Variants in TMPRSS15 observed in about 807,000 individuals in gnomAD.
TMPRSS15 encodes transmembrane serine protease 15.
In TMPRSS15, 128 loss-of-function variants were observed where a neutral mutation model predicts 125.3. That is an observed-to-expected ratio of 1.02 (90% CI 0.89 to 1.18). The LOEUF is 1.18. Ranked by LOEUF, TMPRSS15 falls within the 50% of genes most tolerant of loss-of-function variation. TMPRSS15 has a pLI of 0.00. For synonymous variants in TMPRSS15, 446 were observed against 423.2 expected, an observed-to-expected ratio of 1.05 and a Z score of -0.66; for missense variants, 1,283 against 1,212.7, an observed-to-expected ratio of 1.06 and a Z score of -0.86.
chr21:18,436,739 T>G (rs2076228698), intron 1 of TMPRSS15, among the ~76,000 whole-genome samples: 1 of 147,886 alleles, frequency 6.8e-6, no homozygotes, highest in Non-Finnish European at 1.5e-5. Context: ...ACAAGGGACG[T>G]GAAGGACCTC....
chr21:18,361,620 G>A (rs922286560), intron 7 of TMPRSS15, among the ~76,000 whole-genome samples: 1 of 152,148 alleles, frequency 6.6e-6, no homozygotes, highest in Non-Finnish European at 1.5e-5. Context: ...CACAGAGTTA[G>A]TTAATTTTTG....
intron 1 of TMPRSS15, among the ~76,000 whole-genome samples, chr21:18,423,651 C>T (rs1477634545): frequency 5.9e-5 from 9 of 151,556 alleles, no homozygotes; most frequent in African/African-American, 1.7e-4. Context: ...CTCCTGACCT[C>T]GTGATCCGCC....
chr21:18,454,303 A>G (rs985955627), intron 1 of TMPRSS15, among the ~76,000 whole-genome samples: 1 of 152,146 alleles, frequency 6.6e-6, no homozygotes, highest in Admixed American at 6.6e-5. Flanking sequence ...GTTTCCTTCC[A>G]TAAGGATTCC....
chr21:18,307,695 T>C (rs1005902274), intron 18 of TMPRSS15, among the ~76,000 whole-genome samples: 1 of 152,098 alleles, frequency 6.6e-6, no homozygotes, highest in African/African-American at 2.4e-5. Flanking sequence ...ACTGTTAAAA[T>C]GTAATAAAGA....
At chr21:18,456,141 A>G (rs1051586402) in intron 1 of TMPRSS15, among the ~76,000 whole-genome samples, 1 of 152,172 alleles carries the variant, frequency 6.6e-6, no homozygotes, top group African/African-American at 2.4e-5. Flanking sequence ...AACAGATAAT[A>G]CAGAATTATT....
At chr21:18,443,885 G>A (rs1290493541) in intron 1 of TMPRSS15, among the ~76,000 whole-genome samples, 3 of 152,186 alleles carry the variant, frequency 2.0e-5, no homozygotes, top group Admixed American at 6.5e-5. Context: ...GCAGCTTCCT[G>A]TTGTGGCGGG....
chr21:18,302,537 T>C (rs1398354883), intron 18 of TMPRSS15, among the ~76,000 whole-genome samples: 2 of 152,244 alleles, frequency 1.3e-5, no homozygotes, highest in African/African-American at 2.4e-5. Context: ...GTAAGTTTAA[T>C]TAATTTTAGA....
chr21:18,283,789 G>A (rs1458611638), intron 21 of TMPRSS15, among the ~76,000 whole-genome samples: 2 of 152,058 alleles, frequency 1.3e-5, no homozygotes, highest in Non-Finnish European at 2.9e-5. Context: ...AGGTATTTCA[G>A]AGAAAGAGCA....
Position 18,269,879 on chromosome 21 carries a change from T to G in TMPRSS15, c.*90A>C. The G allele has an allele frequency of 6.5e-7, 1 of 1,528,008 alleles. No individual in the cohort carries two copies. Among genetic ancestry groups the G allele is most frequent in the Non-Finnish European group, 8.9e-7 (1 of 1,123,868 alleles). 94.7% of individuals were successfully genotyped at this position (1,528,008 alleles called of 1,614,324 possible). On this transcript the variant is annotated 3_prime_UTR_variant, in exon 25 of 25. Transcript: ENST00000284885. ...AGAATAAAAACCTTTGGTAACTTTT[T>G]AAAATTTTTGTACGAAACACTTAAT...
chr21:18,375,978 G>C (rs1388439218), intron 5 of TMPRSS15, among the ~76,000 whole-genome samples: 1 of 152,160 alleles, frequency 6.6e-6, no homozygotes, highest in African/African-American at 2.4e-5. Context: ...GGAAATCATA[G>C]ATTTTTATTG....
intron 16 of TMPRSS15, among the ~76,000 whole-genome samples, chr21:18,321,041 G>T (rs1307270006): frequency 6.6e-6 from 1 of 152,068 alleles, no homozygotes; most frequent in Non-Finnish European, 1.5e-5. Flanking sequence ...ATCTGGGGAG[G>T]GCTCAAACCC....
Position 18,321,443 on chromosome 21 carries a change from C to T in TMPRSS15, c.1921+4989G>A, listed in dbSNP as rs890609556. ...TCTCGGCTCACCGCAAGCTCCACCT[C>T]CCGGGTTCACGCCATTCTCCTGCCT... On this transcript the variant is annotated intron_variant, in intron 16 of 24. Coordinates refer to ENST00000284885, the MANE Select transcript of TMPRSS15 (RefSeq NM_002772.3). Among the ~76,000 whole-genome samples, 5 of 149,632 alleles carry T rather than the reference C, an allele frequency of 3.3e-5. No individual in the cohort carries two copies. The Admixed American group carries it at 3.4e-4, about 10-fold the overall frequency.
chr21:18,444,233 T>C (rs528948136), intron 1 of TMPRSS15, among the ~76,000 whole-genome samples: 3 of 152,254 alleles, frequency 2.0e-5, no homozygotes, highest in Non-Finnish European at 4.4e-5. Flanking sequence ...GGAATCAACC[T>C]AAATGCCCAT....
intron 23 of TMPRSS15, among the ~76,000 whole-genome samples, chr21:18,276,216 G>A (rs1202218850): frequency 6.6e-6 from 1 of 152,144 alleles, no homozygotes; most frequent in Non-Finnish European, 1.5e-5. Context: ...ACGTGCACGT[G>A]TGTGTGTAGT....
intron 1 of TMPRSS15, among the ~76,000 whole-genome samples, chr21:18,399,976 T>C (rs931577470): frequency 6.6e-6 from 1 of 152,018 alleles, no homozygotes; most frequent in African/African-American, 2.4e-5. Context: ...AATCCCATTG[T>C]CAATAGCCAT....
At chr21:18,436,056 A>G (rs1478974854) in intron 1 of TMPRSS15, among the ~76,000 whole-genome samples, 22 of 150,050 alleles carry the variant, frequency 1.5e-4, no homozygotes, top group African/African-American at 2.2e-4. Context: ...CGGTCTATCA[A>G]TTTTGTTGAT....
intron 18 of TMPRSS15, among the ~76,000 whole-genome samples, chr21:18,303,113 A>G (rs1218133094): frequency 6.6e-6 from 1 of 152,118 alleles, no homozygotes; most frequent in East Asian, 1.9e-4. Context: ...TGGTTTTTTA[A>G]TGTTTTCCTT....
chr21:18,371,179 C>A (rs1445234432), intron 6 of TMPRSS15, among the ~76,000 whole-genome samples: 1 of 152,116 alleles, frequency 6.6e-6, no homozygotes, highest in African/African-American at 2.4e-5. Context: ...ACACACCTAC[C>A]ATAGGAGATT....
rs565290691 is a variant in TMPRSS15 at position 18,437,276 on chromosome 21, A to G, written c.11-38947T>C. ...CTGGGAAAACTGGCTAGCCATATGT[A>G]GAAAGCTGAAACTGGATCCCTTCCT... On this transcript the variant is annotated intron_variant, in intron 1 of 7. Coordinates refer to the TMPRSS15 transcript ENST00000422787. 8.2e-3 allele frequency among the ~76,000 whole-genome samples: 1,247 copies of G among 151,996 alleles called. 18 individuals carry two copies. The highest frequency in any genetic ancestry group is 0.029 in the African/African-American group (1,203 of 41,444).
Sources: gnomAD v4.1 joint callset for allele counts (sites outside exome capture counted in the v4.1 genomes callset) on GRCh38, gnomAD v4.1.1 for gene constraint, MANE v1.5 for transcripts, NCBI Gene and HGNC (gene_info 2026-07-23, HGNC 2026-07-21) for gene names.